Variants in PSMB4 observed in about 807,000 individuals in gnomAD.
The protein encoded by PSMB4 is proteasome 20S subunit beta 4.
PSMB4 carries 16 observed loss-of-function variants against 35.2 expected under a neutral mutation model. That is an observed-to-expected ratio of 0.45 (90% CI 0.31 to 0.69). The LOEUF is 0.69. Among genes scored for constraint, PSMB4 ranks in the 30% least tolerant of loss-of-function variants. The pLI is 0.06. For synonymous variants in PSMB4, 144 were observed against 134.1 expected (o/e 1.07, Z -0.51); for missense variants, 333 against 351.8 (o/e 0.95, Z 0.43).
intron 3 of PSMB4, 31 bp downstream of exon 3, chr1:151,400,619 T>G: frequency 6.2e-7 from 1 of 1,614,090 alleles, no homozygotes; most frequent in Admixed American, 1.7e-5. Context: ...CTTATTTCCT[T>G]TACCACCCAA....
chr1:151,401,626 A>T lies in PSMB4; in HGVS notation c.778A>T (p.Ile260Phe). The T allele has an allele frequency of 6.2e-7, 1 of 1,603,440 alleles. No homozygotes were observed. Among genetic ancestry groups the T allele is most frequent in the Non-Finnish European group, 8.5e-7 (1 of 1,170,338 alleles). Reference sequence around the variant, plus strand: ...GACCAACTGGGATATTGCCCACATGATCAGGTGAGTAATAGGGAAAAAATT... The same window carrying T: ...GACCAACTGGGATATTGCCCACATGTTCAGGTGAGTAATAGGGAAAAAATT... Reference protein sequence around the residue: ...TETNWDIAHMISGFE With the variant: ...TETNWDIAHMFSGFE Residue 260 changes from isoleucine (I) to phenylalanine (F), a missense_variant, in exon 6 of 7, where the codon ATC becomes TTC. Transcript: ENST00000290541.
chr1:151,400,387 GGGT>G lies in PSMB4; in HGVS notation c.348-52_348-50del. On this transcript the variant is annotated intron_variant, in intron 2 of 6. Coordinates refer to ENST00000290541, the MANE Select transcript of PSMB4 (RefSeq NM_002796.3). ...AGGTGTGGTAACTTCTTTTGGGGATGGGTGGAGACCCCGACTTAATTCTCTCCC... is the reference window on the plus strand; with the variant it reads ...AGGTGTGGTAACTTCTTTTGGGGATGGGAGACCCCGACTTAATTCTCTCCC... 4 of 1,583,918 alleles carry G rather than the reference GGGT, an allele frequency of 2.5e-6. No homozygotes were observed. In the South Asian group the frequency reaches 4.5e-5, roughly 18 times the overall value.
At position 151,400,543 on chromosome 1, in the gene PSMB4, C is replaced by G; in HGVS notation, c.449C>G (p.Pro150Arg). The G allele has an allele frequency of 5.6e-6, 9 of 1,614,156 alleles. No homozygotes were observed. The highest frequency in any genetic ancestry group is 7.6e-6 in the Non-Finnish European group (9 of 1,180,038). The change falls in exon 3 of 7, where the codon CCT (proline) becomes CGT (arginine). Residue 150 changes from proline to arginine, a missense_variant. By Grantham distance (103) the Pro-to-Arg change is moderately radical. Transcript: ENST00000290541. ...TACAGCCGGCGCTCGAAGATGAACCCTTTGTGGAACACCATGGTCATCGGA... is the reference window on the plus strand; with the variant it reads ...TACAGCCGGCGCTCGAAGATGAACCGTTTGTGGAACACCATGGTCATCGGA... Reference protein sequence around the residue: ...AMYSRRSKMNPLWNTMVIGGY... With the variant: ...AMYSRRSKMNRLWNTMVIGGY...
intron 5 of PSMB4, 32 bp downstream of exon 5, chr1:151,401,387 G>A (rs376778112): frequency 1.2e-5 from 20 of 1,604,420 alleles, no homozygotes; most frequent in Admixed American, 6.7e-5. Context: ...TAATTGGCGG[G>A]CTCTGGCTAC....
rs570825621 is a variant in PSMB4 at position 151,401,252 on chromosome 1, A to C, written c.590A>C (p.Glu197Ala). The C allele has an allele frequency of 6.2e-7, 1 of 1,614,030 alleles. No homozygotes were observed. Among genetic ancestry groups the C allele is most frequent in the South Asian group, 1.1e-5 (1 of 91,072 alleles). The change falls in exon 5 of 7, where the codon GAA becomes GCA. Residue 197 changes from glutamate to alanine, a missense_variant. By Grantham distance (107) the Glu-to-Ala change is moderately radical. Transcript: ENST00000290541. ...CAATCTCCCTAGCCTCTGCTGCGAG[A>C]AGTTCTGGAGAAGCAGCCAGTGCTA... Reference protein sequence around the residue: ...GAYLAQPLLREVLEKQPVLSQ... With the variant: ...GAYLAQPLLRAVLEKQPVLSQ...
chr1:151,401,502 T>A (rs763764998), intron 5 of PSMB4, 40 bp from the exon 6 acceptor site: 3 of 1,560,958 alleles, frequency 1.9e-6, no homozygotes, highest in Middle Eastern at 1.7e-4. Flanking sequence ...ATTTAAGGAC[T>A]TAAGGCGTGG....
intron 4 of PSMB4, 176 bp from the exon 5 acceptor site, chr1:151,401,063 C>T: frequency 1.3e-6 from 1 of 765,314 alleles, no homozygotes; most frequent in East Asian, 2.4e-5. Context: ...AGAGAGGACA[C>T]CCTAGAACTT....
chr1:151,401,195 A>T (rs765833388), intron 4 of PSMB4, 44 bp from the exon 5 acceptor site: 1 of 1,461,872 alleles, frequency 6.8e-7, no homozygotes, highest in Non-Finnish European at 9.6e-7. Flanking sequence ...CTAGCCTGTT[A>T]TTCAGCCCAA....
At chr1:151,400,411 C>G in intron 2 of PSMB4, 31 bp from the exon 3 acceptor site, 4 of 1,606,436 alleles carry the variant, frequency 2.5e-6, no homozygotes, top group Non-Finnish European at 3.4e-6. Flanking sequence ...ACTTAATTCT[C>G]TCCCTTTTCT....
chr1:151,400,998 G>A (rs1652803684), intron 4 of PSMB4, 153 bp downstream of exon 4: 1 of 836,876 alleles, frequency 1.2e-6, no homozygotes. Context: ...GGCTGTAGGT[G>A]TTGACACTGA....
chr1:151,400,713 G>A, intron 3 of PSMB4, 51 bp from the exon 4 acceptor site: 1 of 1,610,252 alleles, frequency 6.2e-7, no homozygotes, highest in South Asian at 1.1e-5. Context: ...CCCTTCTTCA[G>A]CTAAGATGAA....
intron 1 of PSMB4, 85 bp from the exon 2 acceptor site, chr1:151,399,896 A>G (rs1358793368): frequency 5.8e-6 from 9 of 1,545,790 alleles, no homozygotes; most frequent in Non-Finnish European, 7.1e-6. Context: ...GGAAGGAATT[A>G]TAGAAAATCA....
chr1:151,401,408 T>C (rs1330045411), intron 5 of PSMB4, 53 bp downstream of exon 5: 8 of 1,568,538 alleles, frequency 5.1e-6, no homozygotes, highest in Non-Finnish European at 6.1e-6. Flanking sequence ...TTGCAATCCC[T>C]GGGTCTCTAT....
At chr1:151,401,159 C>A in intron 4 of PSMB4, 80 bp from the exon 5 acceptor site, 1 of 1,177,424 alleles carries the variant, frequency 8.5e-7, no homozygotes. Flanking sequence ...CACTCTAATG[C>A]TTTTTATACC....
chr1:151,399,808 A>G lies in PSMB4; in HGVS notation c.140+81A>G, dbSNP rs1378847312. 7.5e-6 allele frequency: 12 copies of G among 1,607,258 alleles called. No individual in the cohort carries two copies. In the Admixed American group the frequency reaches 2.0e-4, roughly 27 times the overall value. ...GCCGGCTGGTTTTGAGAGCCCGGGA[A>G]GGTGAGGCGGGGACCCCGGGGGCGC... On this transcript the variant is annotated intron_variant, in intron 1 of 6. Transcript: ENST00000290541.
In PSMB4 at chr1:151,401,810, T is replaced by G. The variant is rs764240505; in HGVS notation, c.783-7T>G. The G allele has an allele frequency of 1.2e-6, 2 of 1,610,278 alleles. No individual in the cohort carries two copies. Among genetic ancestry groups the G allele is most frequent in the African/African-American group, 1.3e-5 (1 of 74,938 alleles). On this transcript the variant is annotated splice_region_variant and splice_polypyrimidine_tract_variant and intron_variant, in intron 6 of 6. Transcript: ENST00000290541. ...CACAATTTTATTATTCTGTCTTCCTTTTTTAGTGGCTTTGAATGAAATACA... is the reference window on the plus strand; with the variant it reads ...CACAATTTTATTATTCTGTCTTCCTGTTTTAGTGGCTTTGAATGAAATACA...
intron 1 of PSMB4, 75 bp downstream of exon 1, chr1:151,399,802 C>T (rs1008002717): frequency 1.9e-6 from 3 of 1,608,542 alleles, no homozygotes; most frequent in East Asian, 2.2e-5. Context: ...TTTTGAGAGC[C>T]CGGGAAGGTG....
intron 1 of PSMB4, 30 bp from the exon 2 acceptor site, chr1:151,399,951 C>CT (rs1652757535): frequency 6.2e-7 from 1 of 1,604,364 alleles, no homozygotes; most frequent in African/African-American, 1.3e-5. Context: ...TCCATCCCCC[C>CT]TCTCAGCTCC....
chr1:151,399,690 G>C lies in PSMB4; in HGVS notation c.103G>C (p.Ala35Pro). 1.2e-6 allele frequency: 2 copies of C among 1,614,124 alleles called. No individual in the cohort carries two copies. The highest frequency in any genetic ancestry group is 2.2e-5 in the South Asian group (2 of 91,074). Reference sequence around the variant, plus strand: ...CACTCCCGATTCCTTCATGGATCCGGCGTCTGCACTTTACAGAGGTCCAAT... The same window carrying C: ...CACTCCCGATTCCTTCATGGATCCGCCGTCTGCACTTTACAGAGGTCCAAT... The part of the protein sequence containing the change: ...PSTPDSFMDP[A>P]SALYRGPITR... Residue 35 changes from alanine (A) to proline (P), a missense_variant, in exon 1 of 7, where the codon GCG becomes CCG. Transcript: ENST00000290541.
Sources: gnomAD v4.1 joint callset for allele counts on GRCh38, gnomAD v4.1.1 for gene constraint, MANE v1.5 for transcripts, NCBI Gene and HGNC (gene_info 2026-07-23, HGNC 2026-07-21) for gene names.